CDK5RAP2: variants seen among roughly 807,000 people sequenced by gnomAD.
CDK5RAP2 encodes the protein CDK5 regulatory subunit-associated protein 2.
Under a neutral mutation model 232.9 loss-of-function variants are expected in CDK5RAP2, and 147 were observed. The observed-to-expected ratio is 0.63, with a 90% CI of 0.55 to 0.72. CDK5RAP2 has a LOEUF of 0.72. Among genes scored for constraint, CDK5RAP2 ranks in the 30% least tolerant of loss-of-function variants. The probability of loss-of-function intolerance (pLI) is 0.00; values close to 1 mark genes in which losing one functional copy is unlikely to be tolerated. For missense variants in CDK5RAP2, 2,195 were observed against 2,231.5 expected, an observed-to-expected ratio of 0.98 and a Z score of 0.33; for synonymous variants, 833 against 833.7, an observed-to-expected ratio of 1.00 and a Z score of 0.01.
At position 120,415,085 on chromosome 9, in the gene CDK5RAP2, T is replaced by G; in HGVS notation, c.4252A>C (p.Lys1418Gln). Reference sequence around the variant, plus strand: ...TGCCGTTCCAACTGTTTCCGTAGCTTCTCATTTGTTTTAATAGATTCTTCT... The same window carrying G: ...TGCCGTTCCAACTGTTTCCGTAGCTGCTCATTTGTTTTAATAGATTCTTCT... ...RLEESIKTNE[K>Q]LRKQLERQGS... The change falls in exon 28 of 38, where the codon AAG (lysine) becomes CAG (glutamine). Residue 1418 changes from lysine (K) to glutamine (Q), a missense_variant. Coordinates refer to ENST00000349780, the MANE Select transcript of CDK5RAP2 (RefSeq NM_018249.6). The G allele has an allele frequency of 6.2e-7, 1 of 1,614,182 alleles. No homozygotes were observed. Among genetic ancestry groups the G allele is most frequent in the Non-Finnish European group, 8.5e-7 (1 of 1,180,000 alleles).
intron 7 of CDK5RAP2, among the ~76,000 whole-genome samples, chr9:120,535,123 T>C (rs910584038): frequency 6.6e-6 from 1 of 152,214 alleles, no homozygotes; most frequent in Non-Finnish European, 1.5e-5. Flanking sequence ...GTTTCCTCAC[T>C]CACCTTGAAA....
chr9:120,566,111 T>A (rs554918070), intron 3 of CDK5RAP2, among the ~76,000 whole-genome samples: 1 of 152,178 alleles, frequency 6.6e-6, no homozygotes, highest in Non-Finnish European at 1.5e-5. Context: ...AAACCCAAAG[T>A]ATCTCAGCCC....
chr9:120,578,589 T>A (rs2043127132), intron 1 of CDK5RAP2, among the ~76,000 whole-genome samples: 2 of 147,176 alleles, frequency 1.4e-5, no homozygotes, highest in South Asian at 2.2e-4. Context: ...TTTTTAAAGA[T>A]AGAGTCTCAC....
At chr9:120,468,658 C>T (rs768545275) in intron 17 of CDK5RAP2, among the ~76,000 whole-genome samples, 1 of 152,246 alleles carries the variant, frequency 6.6e-6, no homozygotes, top group Non-Finnish European at 1.5e-5. Context: ...CAGAGTCCCA[C>T]AGCTGGGGTG....
intron 5 of CDK5RAP2, 114 bp downstream of exon 5, chr9:120,545,600 G>A: frequency 1.2e-6 from 1 of 816,494 alleles, no homozygotes; most frequent in South Asian, 1.4e-5. Flanking sequence ...AAACCTCCTT[G>A]CAGTCCTCAG....
At chr9:120,512,677 C>T (rs915941119) in intron 12 of CDK5RAP2, among the ~76,000 whole-genome samples, 3 of 152,184 alleles carry the variant, frequency 2.0e-5, no homozygotes, top group African/African-American at 7.2e-5. Flanking sequence ...AGTATCTTAG[C>T]AAAGTCCTGA....
At chr9:120,482,551 T>A (rs1212428026) in intron 14 of CDK5RAP2, among the ~76,000 whole-genome samples, 1 of 152,116 alleles carries the variant, frequency 6.6e-6, no homozygotes, top group African/African-American at 2.4e-5. Flanking sequence ...CAGGATCTGC[T>A]CCGGCCAAAC....
intron 12 of CDK5RAP2, among the ~76,000 whole-genome samples, chr9:120,515,536 C>T (rs1174818353): frequency 6.6e-6 from 1 of 152,132 alleles, no homozygotes; most frequent in Non-Finnish European, 1.5e-5. Context: ...TGTTCAATAA[C>T]ACTGAATAAA....
chr9:120,460,300 A>G (rs1049922697), intron 19 of CDK5RAP2, among the ~76,000 whole-genome samples: 3 of 152,246 alleles, frequency 2.0e-5, no homozygotes, highest in Non-Finnish European at 2.9e-5. Context: ...AGATTTGTCC[A>G]GGTCAAACAT....
chr9:120,441,713 T>C (rs915681673), intron 23 of CDK5RAP2, among the ~76,000 whole-genome samples: 1 of 152,220 alleles, frequency 6.6e-6, no homozygotes, highest in Admixed American at 6.5e-5. Flanking sequence ...TATCTGTTCA[T>C]GATGCAAATA....
Position 120,466,393 on chromosome 9 carries a change from G to A in CDK5RAP2, c.2106+1467C>T, listed in dbSNP as rs546802509. Reference sequence around the variant, plus strand: ...CCATTCTGGGGGATGATGGGGAGCTGTGCTATGAAGAACAAGGCTATTCAT... The same window carrying A: ...CCATTCTGGGGGATGATGGGGAGCTATGCTATGAAGAACAAGGCTATTCAT... On this transcript the variant is annotated intron_variant, in intron 18 of 37. Transcript: ENST00000349780. Among the ~76,000 whole-genome samples, 4 of 152,294 alleles carry A rather than the reference G, an allele frequency of 2.6e-5. 1 individual carries two copies. Among genetic ancestry groups the A allele is most frequent in the Admixed American group, 2.6e-4 (4 of 15,296 alleles).
At position 120,439,486 on chromosome 9, in the gene CDK5RAP2, T is replaced by C. The variant is rs369232622; in HGVS notation, c.3635A>G (p.Lys1212Arg). ...GTTCAAATTCTGCTCCTTCTGCAGC[T>C]TGTATTCCTGTTCCTCCAGCTGCTG... ...LKQQLEEQEYKLQKEQNLNMQ... is the reference protein window; with the variant it reads ...LKQQLEEQEYRLQKEQNLNMQ... The change falls in exon 24 of 38, where the codon AAG (lysine) becomes AGG (arginine). Residue 1212 changes from lysine (K) to arginine (R), a missense_variant. Physicochemically the swap from Lys to Arg is conservative, Grantham distance 26. Transcript: ENST00000349780. 2.5e-6 allele frequency: 4 copies of C among 1,614,226 alleles called. No homozygotes were observed. Among genetic ancestry groups the C allele is most frequent in the Admixed American group, 3.3e-5 (2 of 60,024 alleles).
intron 27 of CDK5RAP2, among the ~76,000 whole-genome samples, chr9:120,418,111 A>G (rs2034346101): frequency 6.6e-6 from 1 of 152,236 alleles, no homozygotes; most frequent in African/African-American, 2.4e-5. Flanking sequence ...GACAAAAGAC[A>G]AAAGAAAAAC....
chr9:120,499,502 A>G (rs535653685), intron 12 of CDK5RAP2, among the ~76,000 whole-genome samples: 1 of 152,188 alleles, frequency 6.6e-6, no homozygotes, highest in Non-Finnish European at 1.5e-5. Context: ...TTTCACACTA[A>G]GCAGACACTA....
chr9:120,412,204 C>G (rs1011092361), intron 28 of CDK5RAP2, among the ~76,000 whole-genome samples: 2 of 152,254 alleles, frequency 1.3e-5, no homozygotes, highest in African/African-American at 4.8e-5. Flanking sequence ...GGGCCAACTT[C>G]TCTGTCTAGA....
rs2036276694 is a variant in CDK5RAP2, at chr9:120,447,879, T to G, written c.3025+16A>C. ...TTTGTCTAGCTCACAGGGAATACAT[T>G]TTTCTTGGTGCTTACCATTCAGCAA... On this transcript the variant is annotated intron_variant, in intron 22 of 37. Coordinates refer to ENST00000349780, the MANE Select transcript of CDK5RAP2 (RefSeq NM_018249.6). 1 of 1,589,016 alleles carries G rather than the reference T, an allele frequency of 6.3e-7. No homozygotes were observed. Among genetic ancestry groups the G allele is most frequent in the Admixed American group, 1.7e-5 (1 of 59,982 alleles).
chr9:120,536,996 A>G (rs1286518289), intron 6 of CDK5RAP2, among the ~76,000 whole-genome samples: 2 of 151,550 alleles, frequency 1.3e-5, no homozygotes, highest in Admixed American at 6.6e-5. Context: ...AAAAAAAAAC[A>G]ACTGTATGTT....
At chr9:120,478,175 TG>T (rs2038117295) in intron 14 of CDK5RAP2, among the ~76,000 whole-genome samples, 1 of 152,222 alleles carries the variant, frequency 6.6e-6, no homozygotes, top group African/African-American at 2.4e-5. Flanking sequence ...GTAAAACTGG[TG>T]GACAATTACC....
chr9:120,496,183 C>T (rs1415968465), intron 12 of CDK5RAP2, among the ~76,000 whole-genome samples: 13 of 126,624 alleles, frequency 1.0e-4, no homozygotes, highest in African/African-American at 1.5e-4. Flanking sequence ...CCCGGCCAGC[C>T]GCCCTGTCCG....
Sources: allele counts gnomAD v4.1 joint callset (sites outside exome capture counted in the v4.1 genomes callset), GRCh38; gene constraint gnomAD v4.1.1; transcripts MANE v1.5; gene names NCBI Gene and HGNC (gene_info 2026-07-23, HGNC 2026-07-21).